Variants in TP73 observed in about 807,000 individuals in gnomAD.
TP73 encodes the protein p53-like transcription factor.
Under a neutral mutation model 62.5 loss-of-function variants are expected in TP73, and 25 were observed. The observed-to-expected ratio is 0.40, with a 90% CI of 0.29 to 0.56. The LOEUF (loss-of-function observed/expected upper bound fraction) is 0.56. TP73 is among the 20% of genes least tolerant of loss of function. The probability of loss-of-function intolerance (pLI) is 0.46; values close to 1 mark genes in which losing one functional copy is unlikely to be tolerated. For synonymous variants in TP73, 423 were observed against 377.5 expected (o/e 1.12, Z -1.40); for missense variants, 754 against 913.3 (o/e 0.83, Z 2.25).
At position 3,722,052 on chromosome 1, in the gene TP73, A is replaced by T; in HGVS notation, c.461A>T (p.Gln154Leu). ...CCGCTCTTGAAGAAACTCTACTGCC[A>T]GATCGCCAAGACATGCCCCATCCAG... ...YSPLLKKLYC[Q>L]IAKTCPIQIK... is the part of the protein sequence containing the mutation. The change falls in exon 5 of 14, where the codon CAG becomes CTG. Residue 154 changes from glutamine to leucine, a missense_variant. Gln to Leu is a moderately radical substitution (Grantham distance 113). This residue lies in a region of TP73 where 235 missense variants were observed against 251.4 expected (regional missense o/e 0.93). Transcript: ENST00000378295. 2 of 1,611,290 alleles carry T rather than the reference A, an allele frequency of 1.2e-6. No individual in the cohort carries two copies. Among genetic ancestry groups the T allele is most frequent in the Non-Finnish European group, 1.7e-6 (2 of 1,178,674 alleles).
chr1:3,695,056 T>C (rs1638509437), intron 3 of TP73, among the ~76,000 whole-genome samples: 1 of 152,184 alleles, frequency 6.6e-6, no homozygotes, highest in African/African-American at 2.4e-5. Flanking sequence ...GATAATCCTG[T>C]GGTGGCTCTG....
chr1:3,692,338 A>G (rs1164413257), intron 3 of TP73, among the ~76,000 whole-genome samples: 1 of 152,140 alleles, frequency 6.6e-6, no homozygotes, highest in Non-Finnish European at 1.5e-5. Context: ...GCCTGCCCAG[A>G]TGCTGGGTCC....
chr1:3,699,730 A>G lies in TP73; in HGVS notation c.187-7819A>G, dbSNP rs760061787. Among the ~76,000 whole-genome samples, 1 of 152,142 alleles carries G rather than the reference A, an allele frequency of 6.6e-6. No individual in the cohort carries two copies. Among genetic ancestry groups the G allele is most frequent in the Non-Finnish European group, 1.5e-5 (1 of 67,992 alleles). ...GATAAATGCCGGGCGGGGAGCAGGG[A>G]TGCTCGGGCGGGGGCAGGAGCTGGA... On this transcript the variant is annotated intron_variant, in intron 3 of 13. Coordinates refer to ENST00000378295, the MANE Select transcript of TP73 (RefSeq NM_005427.4). This position sits in a 1 kb window ranked among gnomAD's most constrained non-coding sequence, Gnocchi z 4.1.
chr1:3,676,834 C>A (rs12057230), intron 1 of TP73, among the ~76,000 whole-genome samples: 8,810 of 151,900 alleles, frequency 0.058, 618 homozygotes, highest in African/African-American at 0.17. Flanking sequence ...CACCCCCTCT[C>A]CGCCACGGCC....
At chr1:3,658,532 C>T (rs1278305524) in intron 1 of TP73, among the ~76,000 whole-genome samples, 1 of 137,734 alleles carries the variant, frequency 7.3e-6, no homozygotes, top group Non-Finnish European at 1.6e-5. Flanking sequence ...GGCATAAAGG[C>T]TGCCTCGTGG....
At chr1:3,725,009 A>G (rs1318358526) in intron 6 of TP73, among the ~76,000 whole-genome samples, 3 of 148,284 alleles carry the variant, frequency 2.0e-5, no homozygotes, top group African/African-American at 7.5e-5. Context: ...ACAGAGAGAG[A>G]CTCCGTCTCA....
chr1:3,656,649 G>A (rs1644871190), intron 1 of TP73, among the ~76,000 whole-genome samples: 1 of 152,190 alleles, frequency 6.6e-6, no homozygotes. Context: ...CTATGACCAC[G>A]AAGCTGGGAC....
At chr1:3,706,330 G>C (rs1639628646) in intron 3 of TP73, among the ~76,000 whole-genome samples, 1 of 150,894 alleles carries the variant, frequency 6.6e-6, no homozygotes, top group Non-Finnish European at 1.5e-5. Flanking sequence ...CGCAGGCCTG[G>C]GGAGAGGGGT....
chr1:3,675,406 T>C (rs1250413696), intron 1 of TP73, among the ~76,000 whole-genome samples: 1 of 152,200 alleles, frequency 6.6e-6, no homozygotes, highest in Admixed American at 6.5e-5. Context: ...GGTAAAATCA[T>C]TGGTGGTTTG....
intron 1 of TP73, among the ~76,000 whole-genome samples, chr1:3,679,630 GTC>G (rs1306600570): frequency 1.4e-5 from 2 of 146,622 alleles, no homozygotes; most frequent in African/African-American, 2.5e-5. Context: ...CTTTGTCCCT[GTC>G]TCTCTGTCTC....
intron 3 of TP73, among the ~76,000 whole-genome samples, chr1:3,702,551 G>A (rs1477305422): frequency 2.0e-5 from 3 of 152,226 alleles, no homozygotes; most frequent in Non-Finnish European, 2.9e-5. Flanking sequence ...CATCCGCAGG[G>A]AGGAGAGATG....
intron 1 of TP73, among the ~76,000 whole-genome samples, chr1:3,665,343 G>A (rs566173504): frequency 6.6e-6 from 1 of 152,254 alleles, no homozygotes; most frequent in Admixed American, 6.5e-5. Context: ...TGAGGTATTG[G>A]TAAACAGGAT....
At chr1:3,720,271 G>C (rs1178561497) in intron 4 of TP73, among the ~76,000 whole-genome samples, 1 of 152,176 alleles carries the variant, frequency 6.6e-6, no homozygotes, top group African/African-American at 2.4e-5. Context: ...GTGCATGATG[G>C]TTCCTTCCTG....
Position 3,666,269 on chromosome 1 carries a change from G to T in TP73, c.-34+13628G>T, listed in dbSNP as rs1482623216. ...GGCCATCCTCTTGCCTGTGTCCTGAGTAGCTGTGACCATAGACACACACCA... is the reference window on the plus strand; with the variant it reads ...GGCCATCCTCTTGCCTGTGTCCTGATTAGCTGTGACCATAGACACACACCA... On this transcript the variant is annotated intron_variant, in intron 1 of 13. Transcript: ENST00000378295. This position sits in a 1 kb window ranked among gnomAD's most constrained non-coding sequence, Gnocchi z 6.4. Among the ~76,000 whole-genome samples the T allele has an allele frequency of 6.6e-6, 1 of 152,012 alleles. No homozygotes were observed. Among genetic ancestry groups the T allele is most frequent in the East Asian group, 1.9e-4 (1 of 5,198 alleles).
chr1:3,679,941 TTC>T lies in TP73; in HGVS notation c.-33-2390_-33-2389del, dbSNP rs758266173. On this transcript the variant is annotated intron_variant, in intron 1 of 13. Coordinates refer to ENST00000378295, the MANE Select transcript of TP73 (RefSeq NM_005427.4). ...TCTCTCTATCTCTTTCCCTGTCTCTTTCTGTCTCTCTTTGTCTCTCTCTTTGT... is the reference window on the plus strand; with the variant it reads ...TCTCTCTATCTCTTTCCCTGTCTCTTTGTCTCTCTTTGTCTCTCTCTTTGT... 2.7e-5 allele frequency among the ~76,000 whole-genome samples: 4 copies of T among 146,612 alleles called. No individual in the cohort carries two copies. In the East Asian group the frequency reaches 8.4e-4, roughly 31 times the overall value.
At chr1:3,665,026 G>A (rs1436690955) in intron 1 of TP73, among the ~76,000 whole-genome samples, 1 of 152,192 alleles carries the variant, frequency 6.6e-6, no homozygotes, top group Non-Finnish European at 1.5e-5. Context: ...CAGTTAAACA[G>A]GAGATGCAAA....
At chr1:3,698,690 G>A (rs112513747) in intron 3 of TP73, among the ~76,000 whole-genome samples, 2,021 of 152,270 alleles carry the variant, frequency 0.013, 41 homozygotes, top group African/African-American at 0.045. Flanking sequence ...AGGGTGGGGC[G>A]AGGCCCTTGC....
intron 1 of TP73, among the ~76,000 whole-genome samples, chr1:3,679,027 C>A (rs1401936949): frequency 6.6e-6 from 1 of 152,216 alleles, no homozygotes; most frequent in Non-Finnish European, 1.5e-5. Flanking sequence ...GGACCCACGA[C>A]CACGCTCGCT....
At chr1:3,707,513 G>C (rs367951812) in intron 3 of TP73, 36 bp from the exon 4 acceptor site, 1 of 1,588,498 alleles carries the variant, frequency 6.3e-7, no homozygotes, top group East Asian at 2.3e-5. Flanking sequence ...CTGACTGTGT[G>C]TGTTTCCCCC....
Sources: allele counts gnomAD v4.1 joint callset (sites outside exome capture counted in the v4.1 genomes callset), GRCh38; gene constraint gnomAD v4.1.1; regional missense constraint gnomAD v4.1.1; non-coding constraint Gnocchi (gnomAD v3.1); transcripts MANE v1.5; gene names NCBI Gene and HGNC (gene_info 2026-07-23, HGNC 2026-07-21).